CDIN1: variants seen among roughly 807,000 people sequenced by gnomAD.
The protein encoded by CDIN1 is CDAN1 interacting nuclease 1.
A neutral mutation model predicts 45.3 loss-of-function variants in CDIN1; 33 were observed. That is an observed-to-expected ratio of 0.73 (90% CI 0.55 to 0.97). CDIN1 has a LOEUF of 0.97. Among genes scored for constraint, CDIN1 ranks in the 50% least tolerant of loss-of-function variants. The pLI, the probability that CDIN1 is intolerant of heterozygous loss-of-function variation, is 0.00. For synonymous variants in CDIN1, 118 were observed against 124.4 expected (o/e 0.95, Z 0.34); for missense variants, 303 against 339.4 (o/e 0.89, Z 0.84).
intron 1 of CDIN1, among the ~76,000 whole-genome samples, chr15:36,623,390 T>G: frequency 6.6e-6 from 1 of 152,368 alleles, no homozygotes; most frequent in Admixed American, 6.5e-5. Context: ...TAACTTTATA[T>G]ATTTTTTACT....
At position 36,691,751 on chromosome 15, in the gene CDIN1, A is replaced by G. The variant is rs2042259349; in HGVS notation, c.413A>G (p.Asn138Ser). The G allele has an allele frequency of 6.3e-7, 1 of 1,593,214 alleles. No individual in the cohort carries two copies. The highest frequency in any genetic ancestry group is 1.7e-5 in the Admixed American group (1 of 58,284). The change falls in exon 6 of 11, where the codon AAT becomes AGT. Residue 138 changes from asparagine to serine, a missense_variant. Asn to Ser is a conservative substitution (Grantham distance 46). Coordinates refer to ENST00000566621, the MANE Select transcript of CDIN1 (RefSeq NM_001321759.2). ...CAGATTCCAGATGGAGTTCTAGCAA[A>G]TCAGGTCTATCAGGTATTAATCACA... The part of the protein sequence containing the change: ...PSQIPDGVLA[N>S]QVYQCIVNDC...
chr15:36,631,235 T>C (rs2039665790), intron 1 of CDIN1, among the ~76,000 whole-genome samples: 1 of 152,126 alleles, frequency 6.6e-6, no homozygotes, highest in East Asian at 1.9e-4. Flanking sequence ...AATTTTGATC[T>C]TCTATTTTTT....
In CDIN1 at chr15:36,698,588, T is replaced by C. The variant is rs138037876; in HGVS notation, c.544+1198T>C. ...TTGGAATGAGTGACCTGTGATGCAC[T>C]ATGAGATATGTTTTGGAACCAGGTA... On this transcript the variant is annotated intron_variant, in intron 8 of 10. Transcript: ENST00000566621. 6.3e-3 allele frequency among the ~76,000 whole-genome samples: 966 copies of C among 152,320 alleles called. 40 individuals carry two copies. Among genetic ancestry groups the C allele is most frequent in the Admixed American group, 0.055 (841 of 15,286 alleles).
chr15:36,583,016 A>G (rs2037119261), intron 1 of CDIN1, among the ~76,000 whole-genome samples: 1 of 151,992 alleles, frequency 6.6e-6, no homozygotes, highest in East Asian at 1.9e-4. Flanking sequence ...TTATTGATTT[A>G]TTACTTATTG....
chr15:36,692,678 A>G (rs2042298170), intron 7 of CDIN1, among the ~76,000 whole-genome samples: 1 of 152,200 alleles, frequency 6.6e-6, no homozygotes, highest in African/African-American at 2.4e-5. Context: ...CTGAGCCGGC[A>G]TTTGGATTCC....
At chr15:36,800,934 T>TATATATATAG (rs2055022767) in intron 10 of CDIN1, among the ~76,000 whole-genome samples, 1 of 114,876 alleles carries the variant, frequency 8.7e-6, no homozygotes, top group Non-Finnish European at 1.7e-5. Flanking sequence ...TATATATATA[T>TATATATATAG]ATATATATAT....
intron 8 of CDIN1, chr15:36,701,999 A>G (rs960254488): frequency 1.0e-5 from 7 of 701,136 alleles, no homozygotes; most frequent in East Asian, 2.7e-5. Flanking sequence ...TGTGACAAAC[A>G]GGGGATTATG....
rs34845224 is a variant in CDIN1, at chr15:36,725,317, C to CTTT, written c.716+15370_716+15372dup. On this transcript the variant is annotated intron_variant, in intron 10 of 10. Transcript: ENST00000566621. ...ATTGCTTTTTACATTTCTCTTGCCTCTTTTTTTTTTTTTTTTCCAGTTACC... is the reference window on the plus strand; with the variant it reads ...ATTGCTTTTTACATTTCTCTTGCCTCTTTTTTTTTTTTTTTTTTTCCAGTTACC... Among the ~76,000 whole-genome samples, 10 of 139,926 alleles carry CTTT rather than the reference C, an allele frequency of 7.1e-5. No individual in the cohort carries two copies. The East Asian group carries it at 1.2e-3, about 17-fold the overall frequency. The allele number at this position is 139,926 out of a possible 152,430, so 91.8% of individuals were successfully genotyped here. A position where few individuals can be genotyped will look rare whatever the true frequency, so the allele number is the denominator to read the frequency against.
intron 2 of CDIN1, 100 bp downstream of exon 2, chr15:36,644,423 T>G: frequency 7.8e-7 from 1 of 1,289,842 alleles, no homozygotes. Context: ...TCTGATTGGG[T>G]TGGAGGATGT....
At chr15:36,799,053 G>A (rs1376724302) in intron 10 of CDIN1, 1 of 152,114 alleles carries the variant, frequency 6.6e-6, no homozygotes. Context: ...TGAAATGATG[G>A]GTTTGCCTTT....
chr15:36,783,955 A>T (rs558406227), intron 10 of CDIN1, among the ~76,000 whole-genome samples: 3 of 152,344 alleles, frequency 2.0e-5, no homozygotes, highest in Non-Finnish European at 4.4e-5. Flanking sequence ...AAGCTCATTT[A>T]TCCTGACTTT....
At chr15:36,753,594 A>T (rs1013783158) in intron 10 of CDIN1, among the ~76,000 whole-genome samples, 2 of 150,052 alleles carry the variant, frequency 1.3e-5, no homozygotes, top group Non-Finnish European at 2.9e-5. Flanking sequence ...AAATGGAATC[A>T]AACTATTGAC....
chr15:36,596,054 G>A (rs1265468735), intron 1 of CDIN1, among the ~76,000 whole-genome samples: 4 of 152,038 alleles, frequency 2.6e-5, no homozygotes, highest in Admixed American at 6.5e-5. Context: ...TGAACTCCTT[G>A]CCTACACAAA....
intron 1 of CDIN1, among the ~76,000 whole-genome samples, chr15:36,623,538 T>C (rs2039293957): frequency 6.6e-6 from 1 of 152,244 alleles, no homozygotes; most frequent in Non-Finnish European, 1.5e-5. Context: ...TCCATTCTTT[T>C]GGCAAGTGTT....
chr15:36,737,652 A>G (rs2044080286), intron 10 of CDIN1, among the ~76,000 whole-genome samples: 1 of 152,192 alleles, frequency 6.6e-6, no homozygotes, highest in Non-Finnish European at 1.5e-5. Context: ...TTAAGCAGTT[A>G]TGGGATCAGA....
chr15:36,651,120 C>T (rs1287067315), intron 3 of CDIN1, among the ~76,000 whole-genome samples: 1 of 152,032 alleles, frequency 6.6e-6, no homozygotes, highest in African/African-American at 2.4e-5. Flanking sequence ...CAACTCAATG[C>T]TAGCAAGAAT....
At chr15:36,617,252 A>G in intron 1 of CDIN1, 1 of 943,886 alleles carries the variant, frequency 1.1e-6, no homozygotes, top group South Asian at 1.3e-5. Flanking sequence ...GCTCATCCTG[A>G]GGTTAATGCA....
intron 5 of CDIN1, among the ~76,000 whole-genome samples, chr15:36,684,939 T>G (rs2140652489): frequency 1.3e-5 from 2 of 151,796 alleles, no homozygotes; most frequent in Non-Finnish European, 2.9e-5. Context: ...CCTTTATCAT[T>G]TTTTATTGCG....
chr15:36,712,128 G>T (rs1415011512), intron 10 of CDIN1, among the ~76,000 whole-genome samples: 1 of 151,798 alleles, frequency 6.6e-6, no homozygotes, highest in East Asian at 1.9e-4. Flanking sequence ...TTAGAAATTG[G>T]GCTTTTTGCT....
Sources: allele counts gnomAD v4.1 joint callset (sites outside exome capture counted in the v4.1 genomes callset), GRCh38; gene constraint gnomAD v4.1.1; transcripts MANE v1.5; gene names NCBI Gene and HGNC (gene_info 2026-07-23, HGNC 2026-07-21).